Variants in VAV3 observed in about 807,000 individuals in gnomAD.
VAV3 encodes the protein vav guanine nucleotide exchange factor 3.
VAV3 carries 94 observed loss-of-function variants against 131.2 expected under a neutral mutation model. The ratio of observed to expected loss-of-function variants is 0.72; its 90% CI spans 0.61 to 0.85. The LOEUF is 0.85. Ranked by LOEUF, VAV3 falls within the 40% of genes least tolerant of loss-of-function variation. The pLI, the probability that VAV3 is intolerant of heterozygous loss-of-function variation, is 0.00. For missense variants in VAV3, 939 were observed against 1,002.7 expected, an observed-to-expected ratio of 0.94 and a Z score of 0.86; for synonymous variants, 349 against 342.0, an observed-to-expected ratio of 1.02 and a Z score of -0.22.
chr1:107,850,541 G>A (rs530295981), intron 2 of VAV3, among the ~76,000 whole-genome samples: 13 of 151,332 alleles, frequency 8.6e-5, no homozygotes, highest in East Asian at 3.9e-4. Flanking sequence ...TGGGCACAGG[G>A]AGGGGAACAT....
rs768380365 is a variant in VAV3, at chr1:107,874,940, G to A, written c.282C>T (p.Phe94=). 13 of 1,613,294 alleles carry A rather than the reference G, an allele frequency of 8.1e-6. No homozygotes were observed. Among genetic ancestry groups the A allele is most frequent in the African/African-American group, 5.3e-5 (4 of 74,972 alleles). ...GAACATCAAACAAGTCAAATGCCTC[G>A]AAAAGTTCACTTTTCCTCATTCCAA... ...ETFGMRKSEL[F]EAFDLFDVRD... Residue 94 remains phenylalanine, a synonymous_variant, in exon 2 of 27, where the codon TTC becomes TTT. Coordinates refer to ENST00000370056, the MANE Select transcript of VAV3 (RefSeq NM_006113.5).
intron 1 of VAV3, among the ~76,000 whole-genome samples, chr1:107,934,358 C>T (rs116375712): frequency 2.7e-3 from 417 of 152,280 alleles, no homozygotes; most frequent in African/African-American, 9.2e-3. Flanking sequence ...GTGATCTGGA[C>T]CAAAACCCTT....
intron 2 of VAV3, among the ~76,000 whole-genome samples, chr1:107,803,083 C>A (rs1666902618): frequency 6.6e-6 from 1 of 151,784 alleles, no homozygotes; most frequent in Non-Finnish European, 1.5e-5. Context: ...TTGTATGTGT[C>A]CAGGCATTTA....
intron 4 of VAV3, among the ~76,000 whole-genome samples, chr1:107,775,616 C>T (rs1665314647): frequency 6.8e-6 from 1 of 146,064 alleles, no homozygotes; most frequent in African/African-American, 2.5e-5. Flanking sequence ...AATAGCATCA[C>T]GGCACTAGAA....
At chr1:107,844,164 C>T (rs1250823013) in intron 2 of VAV3, among the ~76,000 whole-genome samples, 2 of 151,694 alleles carry the variant, frequency 1.3e-5, no homozygotes, top group Non-Finnish European at 1.5e-5. Flanking sequence ...TACAGCCCAC[C>T]GAGGGCAAGC....
At chr1:107,854,570 T>C (rs1473779881) in intron 2 of VAV3, among the ~76,000 whole-genome samples, 3 of 152,230 alleles carry the variant, frequency 2.0e-5, no homozygotes, top group African/African-American at 7.2e-5. Context: ...TTTCTCATGC[T>C]TCTGCAATCT....
At chr1:107,626,534 C>T (rs1654029120) in intron 20 of VAV3, among the ~76,000 whole-genome samples, 1 of 152,144 alleles carries the variant, frequency 6.6e-6, no homozygotes, top group African/African-American at 2.4e-5. Flanking sequence ...TCCCCATGGC[C>T]ACAGTTTCAA....
intron 1 of VAV3, among the ~76,000 whole-genome samples, chr1:107,942,459 G>A (rs975527575): frequency 6.6e-6 from 1 of 152,046 alleles, no homozygotes; most frequent in African/African-American, 2.4e-5. Context: ...TTCTGAACCT[G>A]GTAAAAAAAT....
intron 21 of VAV3, among the ~76,000 whole-genome samples, chr1:107,614,760 A>G (rs1653015455): frequency 6.6e-6 from 1 of 152,160 alleles, no homozygotes; most frequent in South Asian, 2.1e-4. Flanking sequence ...TTCATTCAAC[A>G]GTAATTTATT....
intron 1 of VAV3, among the ~76,000 whole-genome samples, chr1:107,891,228 C>T (rs1671297102): frequency 1.3e-5 from 2 of 152,026 alleles, no homozygotes; most frequent in South Asian, 4.2e-4. Flanking sequence ...ATTCCTCATT[C>T]TTCACGCCAT....
At chr1:107,818,407 T>G in intron 2 of VAV3, among the ~76,000 whole-genome samples, 1 of 150,970 alleles carries the variant, frequency 6.6e-6, no homozygotes, top group African/African-American at 2.4e-5. Flanking sequence ...ATGCTTTCAG[T>G]AATGATTACC....
At chr1:107,931,432 T>C (rs1454942088) in intron 1 of VAV3, among the ~76,000 whole-genome samples, 1 of 152,166 alleles carries the variant, frequency 6.6e-6, no homozygotes, top group African/African-American at 2.4e-5. Flanking sequence ...ATAAAAAATA[T>C]ACATTTTTAA....
At chr1:107,768,291 T>C in intron 7 of VAV3, 150 bp downstream of exon 7, 1 of 526,964 alleles carries the variant, frequency 1.9e-6, no homozygotes, top group East Asian at 3.3e-5. Flanking sequence ...AAAATAAGGA[T>C]ATAAAAACTG....
At chr1:107,843,720 C>G (rs1387989016) in intron 2 of VAV3, among the ~76,000 whole-genome samples, 7 of 152,062 alleles carry the variant, frequency 4.6e-5, no homozygotes, top group Non-Finnish European at 1.0e-4. Context: ...CCCTCTCCCC[C>G]CATGGGGTTA....
chr1:107,897,556 G>T (rs1671650537), intron 1 of VAV3, among the ~76,000 whole-genome samples: 1 of 152,052 alleles, frequency 6.6e-6, no homozygotes, highest in Admixed American at 6.5e-5. Flanking sequence ...CAGGGTCGCA[G>T]TTTAGTCAAG....
At chr1:107,803,178 T>C (rs181719652) in intron 2 of VAV3, among the ~76,000 whole-genome samples, 101 of 152,148 alleles carry the variant, frequency 6.6e-4, no homozygotes, top group Non-Finnish European at 5.9e-5. Flanking sequence ...GTCTCAGTTG[T>C]TATGTCGCCT....
intron 2 of VAV3, among the ~76,000 whole-genome samples, chr1:107,780,876 CACAACTTAAAGAGGTTCT>C (rs886076217): frequency 1.3e-5 from 2 of 152,048 alleles, no homozygotes; most frequent in African/African-American, 4.8e-5. Flanking sequence ...TTTTAACAAA[CACAACTTAAAGAGGTTCT>C]ACATGAGGCT....
chr1:107,609,767 G>A (rs886158406), intron 22 of VAV3, 164 bp downstream of exon 22: 3 of 670,206 alleles, frequency 4.5e-6, no homozygotes, highest in East Asian at 2.7e-5. Context: ...GATATGGAAA[G>A]GTCAGCAATA....
chr1:107,893,625 A>G (rs345297), intron 1 of VAV3, among the ~76,000 whole-genome samples: 62,562 of 151,870 alleles, frequency 0.41, 17,423 homozygotes, highest in African/African-American at 0.79. Flanking sequence ...ATCAGATCTC[A>G]TGAGACTTAT....
Sources: gnomAD v4.1 joint callset for allele counts (sites outside exome capture counted in the v4.1 genomes callset) on GRCh38, gnomAD v4.1.1 for gene constraint, MANE v1.5 for transcripts, NCBI Gene and HGNC (gene_info 2026-07-23, HGNC 2026-07-21) for gene names.